JARID2: variants seen among roughly 807,000 people sequenced by gnomAD.
The protein encoded by JARID2 is jumonji and AT-rich interaction domain containing 2, also known as protein Jumonji.
Under a neutral mutation model 125.6 loss-of-function variants are expected in JARID2, and 21 were observed. The observed-to-expected ratio is 0.17, with a 90% CI of 0.12 to 0.24. JARID2 has a LOEUF of 0.24. Ranked by LOEUF, JARID2 falls within the 10% of genes least tolerant of loss-of-function variation. The pLI is 1.00. For missense variants in JARID2, 1,303 were observed against 1,639.6 expected (o/e 0.79, Z 3.55); for synonymous variants, 736 against 661.6 (o/e 1.11, Z -1.73).
intron 14 of JARID2, 146 bp from the exon 15 acceptor site, chr6:15,512,769 G>T (rs1051405314): frequency 7.0e-6 from 6 of 861,540 alleles, no homozygotes; most frequent in Non-Finnish European, 1.1e-5. Context: ...TTCTCACAGG[G>T]AGGCAAAGTT....
intron 7 of JARID2, 150 bp downstream of exon 7, chr6:15,497,320 C>G: frequency 1.5e-6 from 1 of 665,802 alleles, no homozygotes; most frequent in Non-Finnish European, 2.5e-6. Context: ...AGCTCATTCC[C>G]CCTGCAGCCC....
At chr6:15,255,749 A>G (rs973727733) in intron 1 of JARID2, among the ~76,000 whole-genome samples, 6 of 152,180 alleles carry the variant, frequency 3.9e-5, no homozygotes, top group Non-Finnish European at 8.8e-5. Flanking sequence ...TGTTTCTTGC[A>G]TTTAGTCCTT....
chr6:15,452,092 T>C lies in JARID2; in HGVS notation c.410T>C (p.Leu137Pro). The change falls in exon 4 of 18, where the codon CTA becomes CCA. Residue 137 changes from leucine (L) to proline (P), a missense_variant. This residue lies in a region of JARID2 where 42 missense variants were observed against 35.7 expected (regional missense o/e 1.18). Transcript: ENST00000341776. ...CCAGTAAAGATAGTGGAGCCATTGC[T>C]ACCCCCTCCAGCTACTCAGATATCA... ...TTPVKIVEPL[L>P]PPPATQISDL... 1.9e-6 allele frequency: 3 copies of C among 1,614,166 alleles called. No homozygotes were observed. The highest frequency in any genetic ancestry group is 1.7e-6 in the Non-Finnish European group (2 of 1,180,028).
chr6:15,458,822 G>C (rs1392403629), intron 4 of JARID2, among the ~76,000 whole-genome samples: 1 of 152,236 alleles, frequency 6.6e-6, no homozygotes, highest in African/African-American at 2.4e-5. Context: ...TTCTGCAGAA[G>C]CAACTGCCAA....
chr6:15,368,747 C>T (rs777728190), intron 1 of JARID2: 1 of 485,126 alleles, frequency 2.1e-6, no homozygotes, highest in East Asian at 5.9e-5. Context: ...TTTATATAGA[C>T]ATCTGAATTC....
chr6:15,246,190 G>T lies in JARID2; in HGVS notation c.-350G>T, dbSNP rs944456423. The T allele has an allele frequency of 4.4e-6, 2 of 459,356 alleles. No individual in the cohort carries two copies. The highest frequency in any genetic ancestry group is 3.4e-5 in the East Asian group (1 of 28,994). 28.5% of individuals were successfully genotyped at this position (459,356 alleles called of 1,614,324 possible). The stretch of plus-strand genomic sequence containing the variant: ...CGGATCAGACACTAAGGACCTTCAC[G>T]TTTCGCTGATGTAGTTTTTGGAGGA... On this transcript the variant is annotated 5_prime_UTR_variant, in exon 1 of 18. Transcript: ENST00000341776.
intron 9 of JARID2, among the ~76,000 whole-genome samples, chr6:15,505,573 C>T (rs1770964452): frequency 6.6e-6 from 1 of 152,210 alleles, no homozygotes; most frequent in African/African-American, 2.4e-5. Flanking sequence ...TTAGGATGTC[C>T]AGCCCTGTGG....
chr6:15,258,621 A>G (rs137923944), intron 1 of JARID2, among the ~76,000 whole-genome samples: 213 of 152,272 alleles, frequency 1.4e-3, no homozygotes, highest in African/African-American at 4.7e-3. Flanking sequence ...GTCTCTACTG[A>G]AAATACAAAA....
At chr6:15,249,713 T>C (rs986553112) in intron 1 of JARID2, among the ~76,000 whole-genome samples, 19 of 152,168 alleles carry the variant, frequency 1.2e-4, no homozygotes, top group Admixed American at 9.2e-4. Context: ...TTTAGTTTAT[T>C]ACCTTAGCAA....
intron 1 of JARID2, among the ~76,000 whole-genome samples, chr6:15,265,534 T>C (rs1052488593): frequency 2.6e-5 from 4 of 152,034 alleles, no homozygotes; most frequent in African/African-American, 9.7e-5. Flanking sequence ...TGAGATTTAT[T>C]TTGTGAAGTG....
chr6:15,306,043 A>G (rs146151286), intron 1 of JARID2, among the ~76,000 whole-genome samples: 50 of 152,312 alleles, frequency 3.3e-4, no homozygotes, highest in African/African-American at 1.1e-3. Flanking sequence ...GACCAAATCT[A>G]TCTTTCTAAA....
chr6:15,251,733 C>T (rs1581324206), intron 1 of JARID2, among the ~76,000 whole-genome samples: 1 of 145,430 alleles, frequency 6.9e-6, no homozygotes, highest in Admixed American at 6.9e-5. Flanking sequence ...AATCCCAGCA[C>T]TTTGGGAGGC....
At position 15,486,806 on chromosome 6, in the gene JARID2, C is replaced by CTTTTTTTTTTTTTTTTTTTTTTTTT. The variant is rs56268949; in HGVS notation, c.671-483_671-482insTTTTTTTTTTTTTTTTTTTTTTTTT. 1.7e-4 allele frequency among the ~76,000 whole-genome samples: 17 copies of CTTTTTTTTTTTTTTTTTTTTTTTTT among 100,518 alleles called. 1 individual carries two copies. Among genetic ancestry groups the CTTTTTTTTTTTTTTTTTTTTTTTTT allele is most frequent in the Non-Finnish European group, 2.2e-4 (12 of 54,650 alleles). 65.9% of individuals were successfully genotyped at this position (100,518 alleles called of 152,430 possible). A position where few individuals can be genotyped will look rare whatever the true frequency, so the allele number is the denominator to read the frequency against. The stretch of plus-strand genomic sequence containing the variant: ...CATCTCTTTTAAATCTGAGAATAGA[C>CTTTTTTTTTTTTTTTTTTTTTTTTT]TTTTTTTTTTTTTTTTTTGAGACAG... On this transcript the variant is annotated intron_variant, in intron 5 of 17. Transcript: ENST00000341776.
rs755805284 is a variant in JARID2 at position 15,496,838 on chromosome 6, A to G, written c.1613A>G (p.Asp538Gly). 7.5e-6 allele frequency: 12 copies of G among 1,602,774 alleles called. No homozygotes were observed. Among genetic ancestry groups the G allele is most frequent in the African/African-American group, 1.3e-5 (1 of 74,886 alleles). Reference sequence around the variant, plus strand: ...CCGGAGTCCGTGCACAAGCCGCAGGACTCGGGCAAGGCCGAGAAGGGCGGC... The same window carrying G: ...CCGGAGTCCGTGCACAAGCCGCAGGGCTCGGGCAAGGCCGAGAAGGGCGGC... ...SQPESVHKPQ[D>G]SGKAEKGGGK... The change falls in exon 7 of 18, where the codon GAC becomes GGC. Residue 538 changes from aspartate to glycine, a missense_variant. Physicochemically the swap from Asp to Gly is moderately conservative, Grantham distance 94 (BLOSUM62 -1). Transcript: ENST00000341776.
intron 1 of JARID2, among the ~76,000 whole-genome samples, chr6:15,353,191 ATCCTT>A (rs1763487872): frequency 6.6e-6 from 1 of 152,210 alleles, no homozygotes. Flanking sequence ...GTTTCTCTGC[ATCCTT>A]TCCAATACTT....
At chr6:15,285,759 CAGTA>C (rs1386889250) in intron 1 of JARID2, among the ~76,000 whole-genome samples, 8 of 152,146 alleles carry the variant, frequency 5.3e-5, no homozygotes, top group South Asian at 4.1e-4. Flanking sequence ...ACATTGCATA[CAGTA>C]AGTGTGATTT....
At chr6:15,480,314 A>G (rs1436371051) in intron 5 of JARID2, among the ~76,000 whole-genome samples, 4 of 151,770 alleles carry the variant, frequency 2.6e-5, no homozygotes, top group Admixed American at 1.3e-4. Context: ...CCTTGTCTGG[A>G]TTTTTCTCTT....
chr6:15,253,484 T>G (rs1317501640), intron 1 of JARID2, among the ~76,000 whole-genome samples: 1 of 152,214 alleles, frequency 6.6e-6, no homozygotes, highest in Non-Finnish European at 1.5e-5. Flanking sequence ...CTGTCACTTC[T>G]TGCAGGTGGC....
intron 3 of JARID2, among the ~76,000 whole-genome samples, chr6:15,433,921 GGTGTGTGTGTGTGTGT>G (rs146025914): frequency 0.015 from 1,993 of 131,376 alleles, 27 homozygotes; most frequent in African/African-American, 0.028. Context: ...CACTCTCCAG[GGTGTGTGTGTGTGTGT>G]GTGTGTGTGT....
Sources: gnomAD v4.1 joint callset for allele counts (sites outside exome capture counted in the v4.1 genomes callset) on GRCh38, gnomAD v4.1.1 for gene constraint, gnomAD v4.1.1 regional missense constraint, MANE v1.5 for transcripts, NCBI Gene and HGNC (gene_info 2026-07-23, HGNC 2026-07-21) for gene names.